The following DPY19L3 variants were observed in gnomAD, a reference collection of about 807,000 sequenced individuals.
DPY19L3 encodes protein C-mannosyl-transferase DPY19L3.
A neutral mutation model predicts 92.3 loss-of-function variants in DPY19L3; 51 were observed. The ratio of observed to expected loss-of-function variants is 0.55; its 90% CI spans 0.44 to 0.70. The LOEUF (loss-of-function observed/expected upper bound fraction) is 0.70, where lower values mean the gene tolerates loss of function less well. DPY19L3 is among the 30% of genes least tolerant of loss of function. DPY19L3 has a pLI of 0.00. For synonymous variants in DPY19L3, 309 were observed against 315.2 expected, an observed-to-expected ratio of 0.98 and a Z score of 0.21; for missense variants, 706 against 855.9, an observed-to-expected ratio of 0.82 and a Z score of 2.18.
At chr19:32,438,015 G>A (rs987100720) in intron 6 of DPY19L3, among the ~76,000 whole-genome samples, 9 of 152,060 alleles carry the variant, frequency 5.9e-5, no homozygotes, top group East Asian at 5.8e-4. Flanking sequence ...CCTTAATAGG[G>A]TTGTGTATGG....
intron 4 of DPY19L3, among the ~76,000 whole-genome samples, chr19:32,434,878 C>T (rs1046043486): frequency 6.6e-6 from 1 of 152,000 alleles, no homozygotes; most frequent in Non-Finnish European, 1.5e-5. Context: ...GGTGTCTCTT[C>T]TTGTAAGGCC....
In DPY19L3 at chr19:32,408,351, C is replaced by T. The variant is rs778894224; in HGVS notation, c.98C>T (p.Pro33Leu). The change falls in exon 2 of 19, where the codon CCA (proline) becomes CTA (leucine). Residue 33 changes from proline to leucine, a missense_variant. Pro to Leu is a moderately conservative substitution (Grantham distance 98). Transcript: ENST00000392250. Reference sequence around the variant, plus strand: ...AATGTGAAGTTGGAAAATAAATTGCCATCTGGTAGGTGATTTAAACTAAAG... The same window carrying T: ...AATGTGAAGTTGGAAAATAAATTGCTATCTGGTAGGTGATTTAAACTAAAG... ...EENVKLENKL[P>L]SGCTSRRLWK... is the part of the protein sequence containing the mutation. The T allele has an allele frequency of 3.7e-6, 6 of 1,612,064 alleles. No homozygotes were observed. The African/African-American group carries it at 6.7e-5, about 18-fold the overall frequency.
intron 17 of DPY19L3, among the ~76,000 whole-genome samples, chr19:32,480,088 T>C (rs1410649221): frequency 6.6e-6 from 1 of 152,210 alleles, no homozygotes; most frequent in East Asian, 1.9e-4. Context: ...CCCTGTCATT[T>C]ACCTTGGGAA....
chr19:32,409,847 C>A (rs1968115210), intron 2 of DPY19L3, among the ~76,000 whole-genome samples: 1 of 152,158 alleles, frequency 6.6e-6, no homozygotes, highest in Non-Finnish European at 1.5e-5. Context: ...GCTCTGGTTC[C>A]ATCACCACAC....
intron 12 of DPY19L3, 90 bp from the exon 13 acceptor site, chr19:32,463,276 G>A: frequency 1.5e-6 from 2 of 1,359,878 alleles, no homozygotes; most frequent in South Asian, 1.2e-5. Context: ...AATACATAAA[G>A]GCATACATTT....
At chr19:32,428,831 T>G (rs970009948) in intron 3 of DPY19L3, among the ~76,000 whole-genome samples, 3 of 146,346 alleles carry the variant, frequency 2.0e-5, no homozygotes, top group East Asian at 2.0e-4. Context: ...GTTTTTTTTT[T>G]GTTTTTTTTC....
intron 3 of DPY19L3, among the ~76,000 whole-genome samples, chr19:32,426,166 AC>A (rs1968755597): frequency 6.6e-6 from 1 of 151,956 alleles, no homozygotes; most frequent in Admixed American, 6.6e-5. Context: ...TCATGAACCA[AC>A]CTCTGCTAGC....
intron 1 of DPY19L3, among the ~76,000 whole-genome samples, chr19:32,407,776 G>A (rs758620884): frequency 2.0e-5 from 3 of 152,172 alleles, no homozygotes; most frequent in Non-Finnish European, 4.4e-5. Flanking sequence ...TAGCTTTGAA[G>A]GCCAGCAACG....
chr19:32,426,633 G>A (rs1452973459), intron 3 of DPY19L3, among the ~76,000 whole-genome samples: 1 of 152,184 alleles, frequency 6.6e-6, no homozygotes, highest in Non-Finnish European at 1.5e-5. Flanking sequence ...GAATGACAGA[G>A]CTGTCAGAAC....
At position 32,482,270 on chromosome 19, in the gene DPY19L3, A is replaced by T; in HGVS notation, c.*30A>T. On this transcript the variant is annotated 3_prime_UTR_variant, in exon 19 of 19. Transcript: ENST00000392250. ...GATTTCTGCCCAGTGTCTATTTTTGATACGGAGAAACTGCATCATGATGAA... is the reference window on the plus strand; with the variant it reads ...GATTTCTGCCCAGTGTCTATTTTTGTTACGGAGAAACTGCATCATGATGAA... The T allele has an allele frequency of 6.3e-7, 1 of 1,597,736 alleles. No individual in the cohort carries two copies.
In DPY19L3 at chr19:32,411,351, T is replaced by C. The variant is rs1332759211; in HGVS notation, c.216T>C (p.Asp72=). ...ACCTTGCCACGTTACATGAAAATGATTTATGGTTTTCTAATATTAAGGTAT... is the reference window on the plus strand; with the variant it reads ...ACCTTGCCACGTTACATGAAAATGACTTATGGTTTTCTAATATTAAGGTAT... ...SVYLATLHEN[D]LWFSNIKEVE... is the part of the protein sequence containing the mutation. The change falls in exon 3 of 19, where the codon GAT becomes GAC. Residue 72 remains aspartate (D), a synonymous_variant. Transcript: ENST00000392250. 3 of 1,613,998 alleles carry C rather than the reference T, an allele frequency of 1.9e-6. No homozygotes were observed. The highest frequency in any genetic ancestry group is 2.5e-6 in the Non-Finnish European group (3 of 1,180,016).
intron 3 of DPY19L3, among the ~76,000 whole-genome samples, chr19:32,414,689 A>C (rs1968318760): frequency 6.6e-6 from 1 of 152,220 alleles, no homozygotes; most frequent in African/African-American, 2.4e-5. Flanking sequence ...AGGCTGAAAT[A>C]TCTCTGTGTG....
At chr19:32,439,957 T>C (rs1168645497) in intron 8 of DPY19L3, 47 bp downstream of exon 8, 1 of 1,601,392 alleles carries the variant, frequency 6.2e-7, no homozygotes, top group Non-Finnish European at 8.5e-7. Flanking sequence ...CCATTTAGTG[T>C]TTTTATATCA....
chr19:32,445,506 A>T (rs1969469485), intron 8 of DPY19L3, among the ~76,000 whole-genome samples: 2 of 150,148 alleles, frequency 1.3e-5, no homozygotes, highest in Admixed American at 1.3e-4. Flanking sequence ...TCCTTCAGGA[A>T]TGAAAGGGAA....
At chr19:32,437,778 G>GT (rs201843801) in intron 6 of DPY19L3, among the ~76,000 whole-genome samples, 4,120 of 121,376 alleles carry the variant, frequency 0.034, 171 homozygotes, top group African/African-American at 0.098. Context: ...AGTTTTTTGG[G>GT]TTTTTTTCTT....
chr19:32,437,332 A>T lies in DPY19L3; in HGVS notation c.589A>T (p.Thr197Ser), dbSNP rs1969175342. 1.2e-6 allele frequency: 2 copies of T among 1,613,474 alleles called. No homozygotes were observed. Among genetic ancestry groups the T allele is most frequent in the Admixed American group, 3.3e-5 (2 of 59,934 alleles). ...SGLLAAFWYVTNRIDTTRVEF... is the reference protein window; with the variant it reads ...SGLLAAFWYVSNRIDTTRVEF... ...ACTGTTGGCAGCTTTCTGGTATGTC[A>T]CAAATAGGTGAGTTGGAGTCAGTAT... The change falls in exon 6 of 19, where the codon ACA (threonine) becomes TCA (serine). Residue 197 changes from threonine to serine, a missense_variant. Thr to Ser is a moderately conservative substitution (Grantham distance 58). Transcript: ENST00000392250.
chr19:32,475,366 T>C (rs572114316), intron 16 of DPY19L3, among the ~76,000 whole-genome samples: 1 of 152,298 alleles, frequency 6.6e-6, no homozygotes, highest in Admixed American at 6.5e-5. Flanking sequence ...CTCCACCTCC[T>C]GCTCTGCCAG....
intron 15 of DPY19L3, chr19:32,468,463 G>T: frequency 9.0e-7 from 1 of 1,113,530 alleles, no homozygotes; most frequent in Non-Finnish European, 1.1e-6. Flanking sequence ...CATTTCTATT[G>T]GAGCAAAATA....
intron 6 of DPY19L3, among the ~76,000 whole-genome samples, chr19:32,438,150 T>C (rs940779697): frequency 6.6e-6 from 1 of 152,200 alleles, no homozygotes. Flanking sequence ...GATCATTAAA[T>C]TATTGCCTGT....
Sources: allele counts gnomAD v4.1 joint callset (sites outside exome capture counted in the v4.1 genomes callset), GRCh38; gene constraint gnomAD v4.1.1; transcripts MANE v1.5; gene names NCBI Gene and HGNC (gene_info 2026-07-23, HGNC 2026-07-21).